The following GSR variants were observed in gnomAD, a reference collection of about 807,000 sequenced individuals.
GSR encodes the protein glutathione reductase, mitochondrial.
GSR carries 48 observed loss-of-function variants against 56.5 expected under a neutral mutation model. That is an observed-to-expected ratio of 0.85 (90% CI 0.67 to 1.08). The LOEUF (loss-of-function observed/expected upper bound fraction) is 1.08, where lower values mean the gene tolerates loss of function less well. Ranked by LOEUF, GSR falls within the 50% of genes least tolerant of loss-of-function variation. GSR has a pLI of 0.00. For missense variants in GSR, 694 were observed against 703.3 expected (o/e 0.99, Z 0.15); for synonymous variants, 264 against 270.8 (o/e 0.97, Z 0.25).
chr8:30,712,970 T>G (rs544455497), intron 1 of GSR, among the ~76,000 whole-genome samples: 119 of 152,238 alleles, frequency 7.8e-4, no homozygotes, highest in Non-Finnish European at 1.3e-3. Context: ...TCATTTCCAT[T>G]TCACTCTTAG....
In GSR at chr8:30,679,399, T is replaced by C; in HGVS notation, c.*121A>G. The C allele has an allele frequency of 1.0e-6, 1 of 982,868 alleles. No homozygotes were observed. Among genetic ancestry groups the C allele is most frequent in the Non-Finnish European group, 1.6e-6 (1 of 634,894 alleles). 60.9% of individuals were successfully genotyped at this position (982,868 alleles called of 1,614,324 possible). A position where few individuals can be genotyped will look rare whatever the true frequency, so the allele number is the denominator to read the frequency against. On this transcript the variant is annotated 3_prime_UTR_variant, in exon 13 of 13. Transcript: ENST00000221130. ...TATTATGTACTAAAAATTTCCACTA[T>C]CAGAAGATCCTGATTAAAATAAAGA...
At chr8:30,682,489 G>T (rs1344527196) in intron 10 of GSR, among the ~76,000 whole-genome samples, 1 of 152,192 alleles carries the variant, frequency 6.6e-6, no homozygotes, top group Non-Finnish European at 1.5e-5. Flanking sequence ...TAAAACAAAT[G>T]AATTCCGTGT....
In GSR at chr8:30,727,843, G is replaced by A; in HGVS notation, c.-8C>T. 7 of 1,202,916 alleles carry A rather than the reference G, an allele frequency of 5.8e-6. No homozygotes were observed. Among genetic ancestry groups the A allele is most frequent in the Non-Finnish European group, 5.1e-6 (5 of 971,480 alleles). The allele number at this position is 1,202,916 out of a possible 1,614,324, so 74.5% of individuals were successfully genotyped here. A position where few individuals can be genotyped will look rare whatever the true frequency, so the allele number is the denominator to read the frequency against. ...TCGGGGCAGCAGGGCCATGCACGCGGAAGTGGCGCGCCAAGTGGGGCGGGC... is the reference window on the plus strand; with the variant it reads ...TCGGGGCAGCAGGGCCATGCACGCGAAAGTGGCGCGCCAAGTGGGGCGGGC... On this transcript the variant is annotated 5_prime_UTR_variant, in exon 1 of 13. Coordinates refer to ENST00000221130, the MANE Select transcript of GSR (RefSeq NM_000637.5).
chr8:30,705,424 G>C (rs1563538091), intron 4 of GSR, among the ~76,000 whole-genome samples: 1 of 152,010 alleles, frequency 6.6e-6, no homozygotes. Flanking sequence ...CACCACACCT[G>C]GTCAATTTTT....
At chr8:30,694,512 C>T (rs1000609067) in intron 7 of GSR, among the ~76,000 whole-genome samples, 2 of 152,118 alleles carry the variant, frequency 1.3e-5, no homozygotes, top group Non-Finnish European at 2.9e-5. Context: ...GGGGGTCTCA[C>T]TATGTTGCCC....
Position 30,712,092 on chromosome 8 carries a change from GA to G in GSR, c.307-5del, listed in dbSNP as rs374364330. 0.07 allele frequency: 69,710 copies of G among 992,582 alleles called. 4 individuals carry two copies. The highest frequency in any genetic ancestry group is 0.11 in the South Asian group (5,989 of 53,432). 61.5% of individuals were successfully genotyped at this position (992,582 alleles called of 1,614,324 possible). A position where few individuals can be genotyped will look rare whatever the true frequency, so the allele number is the denominator to read the frequency against. On this transcript the variant is annotated splice_region_variant and splice_polypyrimidine_tract_variant and intron_variant, in intron 1 of 12. Coordinates refer to ENST00000221130, the MANE Select transcript of GSR (RefSeq NM_000637.5). ...TGGGTACACATCCAACATTCACCTG[GA>G]AAAAAAAAAAAGAGACACACTTTAA...
In GSR at chr8:30,693,107, A is replaced by T. The variant is rs1803443132; in HGVS notation, c.796-52T>A. The stretch of plus-strand genomic sequence containing the variant: ...TGCGAGAGGAAGAAAACTTGAGCAA[A>T]GACACACCACAAACTTGGGAGGGAA... On this transcript the variant is annotated intron_variant, in intron 7 of 12. Coordinates refer to ENST00000221130, the MANE Select transcript of GSR (RefSeq NM_000637.5). The T allele has an allele frequency of 2.7e-6, 3 of 1,101,818 alleles. No homozygotes were observed. The East Asian group carries it at 7.1e-5, about 26-fold the overall frequency. The allele number at this position is 1,101,818 out of a possible 1,614,324, so 68.3% of individuals were successfully genotyped here.
At chr8:30,683,960 C>A (rs769539618) in intron 10 of GSR, 128 bp downstream of exon 10, 9 of 755,496 alleles carry the variant, frequency 1.2e-5, no homozygotes, top group Non-Finnish European at 2.2e-5. Flanking sequence ...CACATTGTAC[C>A]ATTTTGACAA....
chr8:30,691,423 G>A (rs1803373429), intron 8 of GSR, among the ~76,000 whole-genome samples: 1 of 152,046 alleles, frequency 6.6e-6, no homozygotes, highest in African/African-American at 2.4e-5. Flanking sequence ...GCTCACTCCT[G>A]TAATCCCAGC....
At chr8:30,692,495 C>CTTTTTTTTTTTT (rs71206280) in intron 8 of GSR, among the ~76,000 whole-genome samples, 2 of 59,062 alleles carry the variant, frequency 3.4e-5, no homozygotes, top group Non-Finnish European at 5.7e-5. Flanking sequence ...CACACCCAGA[C>CTTTTTTTTTTTT]TTTTTTTTTT....
chr8:30,682,022 A>G lies in GSR; in HGVS notation c.1193T>C (p.Phe398Ser). 1 of 1,613,688 alleles carries G rather than the reference A, an allele frequency of 6.2e-7. No individual in the cohort carries two copies. The highest frequency in any genetic ancestry group is 8.5e-7 in the Non-Finnish European group (1 of 1,179,572). ...AAGRKLAHRL[F>S]EYKEDSKLDY... ...TAATTTGGAATCTTCCTTATATTCA[A>G]AAAGTCGATGGGCAAGTTTTCGGCC... Residue 398 changes from phenylalanine (F) to serine (S), a missense_variant, in exon 11 of 13, where the codon TTT becomes TCT. Coordinates refer to ENST00000221130, the MANE Select transcript of GSR (RefSeq NM_000637.5).
intron 4 of GSR, 151 bp from the exon 5 acceptor site, chr8:30,703,391 A>C (rs947267357): frequency 2.5e-6 from 2 of 800,762 alleles, no homozygotes; most frequent in Non-Finnish European, 4.2e-6. Context: ...TTTCTGTAGA[A>C]CTTCTAACTG....
chr8:30,724,107 C>G (rs990317334), intron 1 of GSR, among the ~76,000 whole-genome samples: 1 of 152,182 alleles, frequency 6.6e-6, no homozygotes, highest in African/African-American at 2.4e-5. Context: ...CACAGTGGCT[C>G]ACGCCTGTAA....
intron 12 of GSR, among the ~76,000 whole-genome samples, chr8:30,680,496 G>T (rs1802913567): frequency 7.1e-6 from 1 of 141,032 alleles, no homozygotes; most frequent in Non-Finnish European, 1.5e-5. Context: ...CCAGGTTCAA[G>T]TGATTCTCCT....
At chr8:30,680,078 T>C (rs1193437850) in intron 12 of GSR, among the ~76,000 whole-genome samples, 1 of 152,152 alleles carries the variant, frequency 6.6e-6, no homozygotes, top group Non-Finnish European at 1.5e-5. Flanking sequence ...CCTCTCTATA[T>C]AGCAGTTCTT....
intron 1 of GSR, among the ~76,000 whole-genome samples, chr8:30,723,803 CA>C (rs1302988552): frequency 6.6e-6 from 1 of 151,876 alleles, no homozygotes; most frequent in Non-Finnish European, 1.5e-5. Context: ...CACACACACA[CA>C]CACACACACA....
chr8:30,696,918 T>A (rs1252860563), intron 6 of GSR, among the ~76,000 whole-genome samples: 1 of 152,150 alleles, frequency 6.6e-6, no homozygotes, highest in Non-Finnish European at 1.5e-5. Flanking sequence ...CAGGCTAGTC[T>A]TAGCTCCTGG....
At chr8:30,711,095 A>G (rs1804127407) in intron 2 of GSR, among the ~76,000 whole-genome samples, 1 of 152,212 alleles carries the variant, frequency 6.6e-6, no homozygotes. Flanking sequence ...TAAGACAGAA[A>G]GAAAAACACC....
chr8:30,695,170 GT>G (rs375847691), intron 7 of GSR, among the ~76,000 whole-genome samples: 18 of 152,246 alleles, frequency 1.2e-4, no homozygotes, highest in Non-Finnish European at 2.6e-4. Context: ...GACTTTGAAT[GT>G]GGCCCAACAC....
Sources: gnomAD v4.1 joint callset for allele counts (sites outside exome capture counted in the v4.1 genomes callset) on GRCh38, gnomAD v4.1.1 for gene constraint, MANE v1.5 for transcripts, NCBI Gene and HGNC (gene_info 2026-07-23, HGNC 2026-07-21) for gene names.